GLS: variants seen among roughly 807,000 people sequenced by gnomAD.
The protein encoded by GLS is glutaminase kidney isoform, mitochondrial.
Under a neutral mutation model 86.7 loss-of-function variants are expected in GLS, and 36 were observed. The observed-to-expected ratio is 0.42, with a 90% CI of 0.32 to 0.55. The LOEUF (loss-of-function observed/expected upper bound fraction) is 0.55, where lower values mean the gene tolerates loss of function less well. Among genes scored for constraint, GLS ranks in the 20% least tolerant of loss-of-function variants. GLS has a pLI of 0.17. For missense variants in GLS, 528 were observed against 833.4 expected (o/e 0.63, Z 4.51); for synonymous variants, 317 against 305.9 (o/e 1.04, Z -0.38).
chr2:190,904,507 G>C (rs1022166447), intron 5 of GLS, among the ~76,000 whole-genome samples: 1 of 151,948 alleles, frequency 6.6e-6, no homozygotes, highest in Admixed American at 6.6e-5. Context: ...AATAAACATA[G>C]GTCAATTCTG....
intron 4 of GLS, among the ~76,000 whole-genome samples, chr2:190,901,112 A>G (rs1201623664): frequency 6.6e-6 from 1 of 152,100 alleles, no homozygotes; most frequent in Non-Finnish European, 1.5e-5. Flanking sequence ...TAGCTTTAGT[A>G]TAATCCAGTT....
At chr2:190,881,527 C>G in intron 1 of GLS, 57 bp downstream of exon 1, 5 of 1,463,002 alleles carry the variant, frequency 3.4e-6, no homozygotes, top group Non-Finnish European at 4.6e-6. Context: ...CGGGCTCAGG[C>G]TGTGTGGGGC....
At position 190,936,554 on chromosome 2, in the gene GLS, T is replaced by A. The variant is rs77798385; in HGVS notation, c.1650+4917T>A. Among the ~76,000 whole-genome samples, 31 of 151,198 alleles carry A rather than the reference T, an allele frequency of 2.1e-4. No homozygotes were observed. In the East Asian group the frequency reaches 5.6e-3, roughly 27 times the overall value. On this transcript the variant is annotated intron_variant, in intron 14 of 17. Transcript: ENST00000320717. ...AGAATTGGTAAAGTATAACATACTT[T>A]ACTTCTTCAATTTGACTTTAAAGAT...
At chr2:190,932,919 C>CT (rs1040922941) in intron 14 of GLS, 65 of 1,364,388 alleles carry the variant, frequency 4.8e-5, no homozygotes, top group South Asian at 1.5e-4. Context: ...ACATCTTTAG[C>CT]TTTTTTTTGC....
chr2:190,934,112 T>C, intron 14 of GLS: 2 of 981,500 alleles, frequency 2.0e-6, no homozygotes, highest in Non-Finnish European at 2.4e-6. Context: ...AGTTCCCCTA[T>C]AATTTCAAGT....
intron 14 of GLS, among the ~76,000 whole-genome samples, chr2:190,937,398 A>C (rs972034669): frequency 6.6e-6 from 1 of 151,308 alleles, no homozygotes; most frequent in Non-Finnish European, 1.5e-5. Flanking sequence ...TTAGAAAACT[A>C]CTCTAAGAGG....
Position 190,953,454 on chromosome 2 carries a change from C to A in GLS, c.1651-111C>A. 1.4e-6 allele frequency: 1 copy of A among 724,550 alleles called. No homozygotes were observed. Among genetic ancestry groups the A allele is most frequent in the Non-Finnish European group, 2.5e-6 (1 of 402,156 alleles). 44.9% of individuals were successfully genotyped at this position (724,550 alleles called of 1,614,324 possible). On this transcript the variant is annotated intron_variant, in intron 14 of 17. Coordinates refer to ENST00000320717, the MANE Select transcript of GLS (RefSeq NM_014905.5). The surrounding 1 kb of genome is among the most constrained non-coding windows in gnomAD (Gnocchi z 4.0). ...AGTGTCCTTGAGATCACTTTTTGCA[C>A]GTGACTCAGCTGAAGTGTTCAAAGC...
Position 190,895,603 on chromosome 2 carries a change from G to T in GLS, c.484-1G>T, listed in dbSNP as rs1344265611. The stretch of plus-strand genomic sequence containing the variant: ...ACAAACTCTTATTTTTTTAAAAACA[G>T]GCACTCAAATCTACAGGATTGCGAA... On this transcript the variant is annotated splice_acceptor_variant, in intron 2 of 17. Coordinates refer to ENST00000320717, the MANE Select transcript of GLS (RefSeq NM_014905.5). LOFTEE classifies it high-confidence loss of function. The surrounding 1 kb of genome is among the most constrained non-coding windows in gnomAD (Gnocchi z 4.2). 1 of 1,586,088 alleles carries T rather than the reference G, an allele frequency of 6.3e-7. No individual in the cohort carries two copies.
intron 1 of GLS, chr2:190,882,066 G>A (rs1270969719): frequency 6.6e-6 from 1 of 152,208 alleles, no homozygotes. Flanking sequence ...TGGGGCACCG[G>A]AAACAATGTT....
chr2:190,912,129 A>G (rs922331472), intron 7 of GLS, among the ~76,000 whole-genome samples: 34 of 152,098 alleles, frequency 2.2e-4, no homozygotes, highest in Admixed American at 1.1e-3. Context: ...AGTGATTATA[A>G]ACAAAGTTAA....
intron 1 of GLS, among the ~76,000 whole-genome samples, chr2:190,894,492 T>C (rs866872142): frequency 2.0e-5 from 3 of 152,112 alleles, no homozygotes; most frequent in African/African-American, 7.2e-5. Context: ...CTGCCAGACA[T>C]GTTCTAAAGA....
chr2:190,930,712 C>T lies in GLS; in HGVS notation c.1557+144C>T. On this transcript the variant is annotated intron_variant, in intron 13 of 17. Coordinates refer to ENST00000320717, the MANE Select transcript of GLS (RefSeq NM_014905.5). This position sits in a 1 kb window ranked among gnomAD's most constrained non-coding sequence, Gnocchi z 5.0. ...GTTACTAGGGAGCCGTGGAAATACT[C>T]CCAGAGGAGCTTCAAGTTGTCTCTG... is the stretch of plus-strand genomic sequence containing the variant. The T allele has an allele frequency of 1.6e-6, 1 of 625,428 alleles. No homozygotes were observed. The highest frequency in any genetic ancestry group is 2.7e-6 in the Non-Finnish European group (1 of 376,128). The allele number at this position is 625,428 out of a possible 1,614,324, so 38.7% of individuals were successfully genotyped here. A position where few individuals can be genotyped will look rare whatever the true frequency, so the allele number is the denominator to read the frequency against.
At position 190,962,257 on chromosome 2, in the gene GLS, A is replaced by C. The variant is rs748088942; in HGVS notation, c.1854-573A>C. On this transcript the variant is annotated intron_variant, in intron 17 of 17. Coordinates refer to ENST00000320717, the MANE Select transcript of GLS (RefSeq NM_014905.5). This position sits in a 1 kb window ranked among gnomAD's most constrained non-coding sequence, Gnocchi z 4.2. ...CTCTTCTGGTGTAGTGGTCCGATTGAGTCCATGGCTTCCCAGCCTTACCAG... is the reference window on the plus strand; with the variant it reads ...CTCTTCTGGTGTAGTGGTCCGATTGCGTCCATGGCTTCCCAGCCTTACCAG... Among the ~76,000 whole-genome samples, 6 of 152,204 alleles carry C rather than the reference A, an allele frequency of 3.9e-5. No homozygotes were observed. Among genetic ancestry groups the C allele is most frequent in the African/African-American group, 7.2e-5 (3 of 41,464 alleles).
At position 190,896,045 on chromosome 2, in the gene GLS, A is replaced by G. The variant is rs189685172; in HGVS notation, c.605+320A>G. 1.9e-3 allele frequency: 321 copies of G among 166,814 alleles called. 2 individuals are homozygous for G. Among genetic ancestry groups the G allele is most frequent in the African/African-American group, 7.2e-3 (304 of 42,134 alleles). 10.3% of individuals were successfully genotyped at this position (166,814 alleles called of 1,614,324 possible). A position where few individuals can be genotyped will look rare whatever the true frequency, so the allele number is the denominator to read the frequency against. On this transcript the variant is annotated intron_variant, in intron 3 of 17. Coordinates refer to ENST00000320717, the MANE Select transcript of GLS (RefSeq NM_014905.5). ...TTATATTGATCCCCAATTCATCTGC[A>G]TGACTTGCACGCTTTCTCAGCATGG...
chr2:190,910,632 A>G (rs1460728634), intron 7 of GLS, among the ~76,000 whole-genome samples: 1 of 146,988 alleles, frequency 6.8e-6, no homozygotes, highest in South Asian at 2.2e-4. Context: ...TAAAGTTTTG[A>G]TATTTTTCCT....
rs764867902 is a variant in GLS at position 190,953,525 on chromosome 2, T to C, written c.1651-40T>C. The C allele has an allele frequency of 7.2e-7, 1 of 1,391,276 alleles. No individual in the cohort carries two copies. Among genetic ancestry groups the C allele is most frequent in the Admixed American group, 1.7e-5 (1 of 59,542 alleles). 86.2% of individuals were successfully genotyped at this position (1,391,276 alleles called of 1,614,324 possible). On this transcript the variant is annotated intron_variant, in intron 14 of 17. Transcript: ENST00000320717. The surrounding 1 kb of genome is among the most constrained non-coding windows in gnomAD (Gnocchi z 4.0). ...TGACAGGTGGACGTTGTATGTGTTT[T>C]CTCTCTCCTAAGGATGCCTAAACTT... is the stretch of plus-strand genomic sequence containing the variant.
Position 190,963,422 on chromosome 2 carries a change from T to TTA in GLS, c.*436_*437insTA, listed in dbSNP as rs1691048143. Reference sequence around the variant, plus strand: ...CAAGACTTCAAATACAAATTTAGTTTAAGTGTTTGAACAACTATATGCACT... The same window carrying TTA: ...CAAGACTTCAAATACAAATTTAGTTTTAAAGTGTTTGAACAACTATATGCACT... On this transcript the variant is annotated 3_prime_UTR_variant, in exon 18 of 18. Transcript: ENST00000320717. 1 of 155,248 alleles carries TTA rather than the reference T, an allele frequency of 6.4e-6. No individual in the cohort carries two copies. Among genetic ancestry groups the TTA allele is most frequent in the African/African-American group, 2.4e-5 (1 of 41,472 alleles). 9.6% of individuals were successfully genotyped at this position (155,248 alleles called of 1,614,324 possible).
rs1574611604 is a variant in GLS, at chr2:190,938,664, T to G, written c.1650+7027T>G. Among the ~76,000 whole-genome samples the G allele has an allele frequency of 6.6e-6, 1 of 151,788 alleles. No homozygotes were observed. Among genetic ancestry groups the G allele is most frequent in the East Asian group, 1.9e-4 (1 of 5,186 alleles). ...TTCTCTTGAGGGGGTTGGTCTGTTT[T>G]GTGTTTTGTTAGGATGGACTTTCTG... On this transcript the variant is annotated intron_variant, in intron 14 of 17. Coordinates refer to ENST00000320717, the MANE Select transcript of GLS (RefSeq NM_014905.5). This position sits in a 1 kb window ranked among gnomAD's most constrained non-coding sequence, Gnocchi z 4.1.
intron 6 of GLS, among the ~76,000 whole-genome samples, chr2:190,907,081 C>T (rs1030540383): frequency 5.9e-5 from 9 of 151,704 alleles, no homozygotes; most frequent in Non-Finnish European, 8.8e-5. Context: ...CCCGCCAGCA[C>T]GCCTGGCTAA....
Sources: gnomAD v4.1 joint callset for allele counts (sites outside exome capture counted in the v4.1 genomes callset) on GRCh38, gnomAD v4.1.1 for gene constraint, Gnocchi (gnomAD v3.1) non-coding constraint, MANE v1.5 for transcripts, NCBI Gene and HGNC (gene_info 2026-07-23, HGNC 2026-07-21) for gene names.